Variants in GRAMD1B observed in about 807,000 individuals in gnomAD.
The protein encoded by GRAMD1B is protein Aster-B.
In GRAMD1B, 37 loss-of-function variants were observed where a neutral mutation model predicts 99.7. The observed-to-expected ratio is 0.37, with a 90% confidence interval of 0.29 to 0.49. The LOEUF (loss-of-function observed/expected upper bound fraction) is 0.49, where lower values mean the gene tolerates loss of function less well. Ranked by LOEUF, GRAMD1B falls within the 20% of genes least tolerant of loss-of-function variation. The pLI is 0.98. For missense variants in GRAMD1B, 888 were observed against 1,009.2 expected, an observed-to-expected ratio of 0.88 and a Z score of 1.63; for synonymous variants, 427 against 387.6, an observed-to-expected ratio of 1.10 and a Z score of -1.19.
At chr11:123,594,675 C>A in intron 5 of GRAMD1B, 60 bp from the exon 6 acceptor site, 1 of 843,408 alleles carries the variant, frequency 1.2e-6, no homozygotes, top group Non-Finnish European at 2.1e-6. Context: ...GCCTACTCTG[C>A]AGTGGTTTGC....
At chr11:123,526,922 G>C (rs772619658) in intron 2 of GRAMD1B, among the ~76,000 whole-genome samples, 1 of 152,180 alleles carries the variant, frequency 6.6e-6, no homozygotes. Flanking sequence ...GAGATTGCAC[G>C]GGCAGGTGAA....
At chr11:123,598,232 A>G (rs1202924678) in intron 7 of GRAMD1B, 6 of 1,403,492 alleles carry the variant, frequency 4.3e-6, no homozygotes, top group Non-Finnish European at 6.1e-6. Context: ...CAGATCTCAC[A>G]GTTGTAGTTG....
At chr11:123,570,155 CA>C (rs1947900436) in intron 2 of GRAMD1B, among the ~76,000 whole-genome samples, 1 of 152,210 alleles carries the variant, frequency 6.6e-6, no homozygotes, top group African/African-American at 2.4e-5. Flanking sequence ...TAGTGGTTCT[CA>C]AACTTCAGAG....
At chr11:123,365,439 A>G (rs973965374) in intron 1 of GRAMD1B, among the ~76,000 whole-genome samples, 1 of 152,008 alleles carries the variant, frequency 6.6e-6, no homozygotes, top group African/African-American at 2.4e-5. Context: ...TTTAGTAGAG[A>G]CGGGGTTTCG....
intron 3 of GRAMD1B, among the ~76,000 whole-genome samples, chr11:123,579,933 A>G (rs535326569): frequency 2.6e-5 from 4 of 152,206 alleles, no homozygotes; most frequent in African/African-American, 9.7e-5. Context: ...GGGCCTTTTC[A>G]TAGGAACTGA....
intron 1 of GRAMD1B, among the ~76,000 whole-genome samples, chr11:123,382,678 T>C (rs1294780150): frequency 6.6e-6 from 1 of 152,208 alleles, no homozygotes; most frequent in Non-Finnish European, 1.5e-5. Context: ...TGTCAGGACT[T>C]GGCAGGATGC....
chr11:123,424,151 G>T (rs561106608), intron 1 of GRAMD1B, among the ~76,000 whole-genome samples: 28 of 149,812 alleles, frequency 1.9e-4, no homozygotes, highest in Admixed American at 4.0e-4. Context: ...CTCCTAATTG[G>T]TTTTTATGGT....
chr11:123,538,558 G>A (rs1044132837), intron 2 of GRAMD1B, among the ~76,000 whole-genome samples: 2 of 151,970 alleles, frequency 1.3e-5, no homozygotes, highest in African/African-American at 4.8e-5. Flanking sequence ...CTCACCCCTC[G>A]GCCCAGCTCT....
intron 2 of GRAMD1B, among the ~76,000 whole-genome samples, chr11:123,486,715 A>G (rs774835158): frequency 7.2e-5 from 11 of 152,230 alleles, no homozygotes; most frequent in Non-Finnish European, 1.2e-4. Flanking sequence ...ACTTACAAAT[A>G]AACAAGTATA....
At chr11:123,621,861 CT>C (rs745819478) in intron 19 of GRAMD1B, among the ~76,000 whole-genome samples, 2 of 88,008 alleles carry the variant, frequency 2.3e-5, no homozygotes, top group Non-Finnish European at 4.9e-5. Context: ...GATTGTCTTT[CT>C]TTCTTTTCTT....
At chr11:123,500,365 C>T (rs1170283360) in intron 2 of GRAMD1B, among the ~76,000 whole-genome samples, 1 of 152,090 alleles carries the variant, frequency 6.6e-6, no homozygotes, top group East Asian at 1.9e-4. Context: ...ACAGATGTGA[C>T]CCTTAAGCAG....
intron 2 of GRAMD1B, among the ~76,000 whole-genome samples, chr11:123,515,626 G>A (rs1941597848): frequency 1.3e-5 from 2 of 152,028 alleles, no homozygotes; most frequent in Admixed American, 6.6e-5. Flanking sequence ...AAAATTGGTG[G>A]ACCAGCACAG....
intron 4 of GRAMD1B, among the ~76,000 whole-genome samples, chr11:123,590,553 C>T (rs1234961720): frequency 1.3e-5 from 2 of 152,194 alleles, no homozygotes; most frequent in African/African-American, 4.8e-5. Flanking sequence ...TAACTTGAAG[C>T]ATGTGTAGGG....
chr11:123,412,437 A>G (rs1042866975), intron 1 of GRAMD1B, among the ~76,000 whole-genome samples: 1 of 152,372 alleles, frequency 6.6e-6, no homozygotes, highest in East Asian at 1.9e-4. Context: ...TCTTTCATGC[A>G]GAAAGAGACT....
chr11:123,513,786 A>G (rs776878979), intron 2 of GRAMD1B, among the ~76,000 whole-genome samples: 32 of 151,698 alleles, frequency 2.1e-4, no homozygotes, highest in Admixed American at 3.9e-4. Flanking sequence ...CCTCCTGAGC[A>G]GGTGGGACTA....
At chr11:123,618,434 G>T (rs906341434) in intron 17 of GRAMD1B, 30 of 1,310,488 alleles carry the variant, frequency 2.3e-5, no homozygotes, top group Non-Finnish European at 3.0e-5. Context: ...CAGGTGCCCA[G>T]GTTCTGGGTG....
At chr11:123,606,522 C>T in intron 10 of GRAMD1B, 87 bp from the exon 11 acceptor site, 2 of 1,196,726 alleles carry the variant, frequency 1.7e-6, no homozygotes, top group Admixed American at 4.5e-5. Flanking sequence ...AGTATGAGAG[C>T]TGCCAAGGCT....
chr11:123,571,582 T>TA (rs1299903433), intron 2 of GRAMD1B, among the ~76,000 whole-genome samples: 5 of 152,058 alleles, frequency 3.3e-5, no homozygotes, highest in African/African-American at 7.2e-5. Context: ...TTGCAGGTCT[T>TA]AAAAAGAGGG....
chr11:123,507,670 AC>A (rs1940574134), intron 2 of GRAMD1B, among the ~76,000 whole-genome samples: 1 of 152,224 alleles, frequency 6.6e-6, no homozygotes. Flanking sequence ...TGTACATAGG[AC>A]ATAGGAGATT....
Sources: allele counts gnomAD v4.1 joint callset (sites outside exome capture counted in the v4.1 genomes callset), GRCh38; gene constraint gnomAD v4.1.1; transcripts MANE v1.5; gene names NCBI Gene and HGNC (gene_info 2026-07-23, HGNC 2026-07-21).